The following ACOX2 variants were observed in gnomAD, a reference collection of about 807,000 sequenced individuals.
ACOX2 encodes the protein acyl-CoA oxidase 2.
In ACOX2, 59 loss-of-function variants were observed where a neutral mutation model predicts 77.5. That is an observed-to-expected ratio of 0.76 (90% CI 0.62 to 0.95). The LOEUF (loss-of-function observed/expected upper bound fraction) is 0.95. Ranked by LOEUF, ACOX2 falls within the 40% of genes least tolerant of loss-of-function variation. ACOX2 has a pLI of 0.00. For synonymous variants in ACOX2, 317 were observed against 340.1 expected, an observed-to-expected ratio of 0.93 and a Z score of 0.75; for missense variants, 837 against 880.4, an observed-to-expected ratio of 0.95 and a Z score of 0.62.
rs1008593157 is a variant in ACOX2, at chr3:58,528,882, G to C, written c.1067C>G (p.Ala356Gly). Residue 356 changes from alanine (A) to glycine (G), a missense_variant, in exon 9 of 15, where the codon GCC becomes GGC. Transcript: ENST00000302819. The surrounding 1 kb of genome is among the most constrained non-coding windows in gnomAD (Gnocchi z 5.6). ...GAGGCTGACTGCCAGGAAATGGAAGGCATAACTGATGGCCAGCTGAGGAAA... is the reference window on the plus strand; with the variant it reads ...GAGGCTGACTGCCAGGAAATGGAAGCCATAACTGATGGCCAGCTGAGGAAA... The part of the protein sequence containing the change: ...KLFPQLAISY[A>G]FHFLAVSLLE... 2.5e-6 allele frequency: 4 copies of C among 1,613,700 alleles called. No individual in the cohort carries two copies. The highest frequency in any genetic ancestry group is 3.4e-6 in the Non-Finnish European group (4 of 1,179,882).
In ACOX2 at chr3:58,535,892, CTT is replaced by C. The variant is rs2063478161; in HGVS notation, c.-91-697_-91-696del. ...GCAGTCCATCCTATTTCACAAGTCT[CTT>C]GAGTCCATCTGCTCCTTGCTATCTC... On this transcript the variant is annotated intron_variant, in intron 1 of 14. Coordinates refer to ENST00000302819, the MANE Select transcript of ACOX2 (RefSeq NM_003500.4). The surrounding 1 kb of genome is among the most constrained non-coding windows in gnomAD (Gnocchi z 4.8). 6.6e-6 allele frequency among the ~76,000 whole-genome samples: 1 copy of C among 152,188 alleles called. No individual in the cohort carries two copies. Among genetic ancestry groups the C allele is most frequent in the Non-Finnish European group, 1.5e-5 (1 of 68,036 alleles).
At chr3:58,509,666 C>A (rs2063263939) in intron 13 of ACOX2, among the ~76,000 whole-genome samples, 1 of 130,858 alleles carries the variant, frequency 7.6e-6, no homozygotes, top group African/African-American at 3.0e-5. Flanking sequence ...AGTGCAGTGG[C>A]ACAATCTCAG....
In ACOX2 at chr3:58,531,696, G is replaced by T; in HGVS notation, c.700C>A (p.Pro234Thr). 1 of 1,613,958 alleles carries T rather than the reference G, an allele frequency of 6.2e-7. No homozygotes were observed. The change falls in exon 6 of 15, where the codon CCA (proline) becomes ACA (threonine). Residue 234 changes from proline to threonine, a missense_variant. Transcript: ENST00000302819. The surrounding 1 kb of genome is among the most constrained non-coding windows in gnomAD (Gnocchi z 5.8). ...TGAGGGAGCATTATGGGCTTACCTG[G>T]CAGTGGGGTGTGGTCCTGAAGACTC... The part of the protein sequence containing the change: ...IRSLQDHTPL[P>T]GIIIGDIGPK...
In ACOX2 at chr3:58,528,779, G is replaced by T. The variant is rs200047598; in HGVS notation, c.1155+15C>A. 2.5e-6 allele frequency: 4 copies of T among 1,593,462 alleles called. No homozygotes were observed. Among genetic ancestry groups the T allele is most frequent in the Non-Finnish European group, 2.6e-6 (3 of 1,169,270 alleles). ...AGCGCCTGCCAGCGCCTGCCCCTCCGCAGACAGCAGGTACCTCAGGCAGGA... is the reference window on the plus strand; with the variant it reads ...AGCGCCTGCCAGCGCCTGCCCCTCCTCAGACAGCAGGTACCTCAGGCAGGA... On this transcript the variant is annotated intron_variant, in intron 9 of 14. Coordinates refer to ENST00000302819, the MANE Select transcript of ACOX2 (RefSeq NM_003500.4). The surrounding 1 kb of genome is among the most constrained non-coding windows in gnomAD (Gnocchi z 5.6).
At chr3:58,517,826 G>A (rs2107994939) in intron 12 of ACOX2, among the ~76,000 whole-genome samples, 1 of 152,180 alleles carries the variant, frequency 6.6e-6, no homozygotes, top group South Asian at 2.1e-4. Context: ...TGTAATCCCA[G>A]CACTTTGGGA....
rs2063296213 is a variant in ACOX2 at position 58,512,584 on chromosome 3, A to T, written c.1851-3559T>A. Among the ~76,000 whole-genome samples, 1 of 150,956 alleles carries T rather than the reference A, an allele frequency of 6.6e-6. No individual in the cohort carries two copies. ...TCCCACCCCCTACTGTACTCCCTTA[A>T]CTCTCTGCCCTCTGCCGTCATTTTC... On this transcript the variant is annotated intron_variant, in intron 13 of 14. Coordinates refer to ENST00000302819, the MANE Select transcript of ACOX2 (RefSeq NM_003500.4). This position sits in a 1 kb window ranked among gnomAD's most constrained non-coding sequence, Gnocchi z 4.8.
chr3:58,531,170 G>A lies in ACOX2; in HGVS notation c.819+81C>T. On this transcript the variant is annotated intron_variant, in intron 7 of 14. Coordinates refer to ENST00000302819, the MANE Select transcript of ACOX2 (RefSeq NM_003500.4). This position sits in a 1 kb window ranked among gnomAD's most constrained non-coding sequence, Gnocchi z 5.8. ...TTATGTGGCCCAAACTAAGCTCTAT[G>A]GAGGACCCAGGCCCAGCCTGCACAA... 1 of 1,299,658 alleles carries A rather than the reference G, an allele frequency of 7.7e-7. No homozygotes were observed. The highest frequency in any genetic ancestry group is 1.1e-6 in the Non-Finnish European group (1 of 924,100). The allele number at this position is 1,299,658 out of a possible 1,614,324, so 80.5% of individuals were successfully genotyped here.
Position 58,528,745 on chromosome 3 carries a change from T to G in ACOX2, c.1155+49A>C. 6.4e-7 allele frequency: 1 copy of G among 1,556,588 alleles called. No homozygotes were observed. Among genetic ancestry groups the G allele is most frequent in the Non-Finnish European group, 8.7e-7 (1 of 1,151,860 alleles). ...CTGCTCCCCAGTGAGTGGAACAATC[T>G]TAGCTCCCAGCGCCTGCCAGCGCCT... is the stretch of plus-strand genomic sequence containing the variant. On this transcript the variant is annotated intron_variant, in intron 9 of 14. Coordinates refer to ENST00000302819, the MANE Select transcript of ACOX2 (RefSeq NM_003500.4). This position sits in a 1 kb window ranked among gnomAD's most constrained non-coding sequence, Gnocchi z 5.6.
Position 58,533,017 on chromosome 3 carries a change from G to C in ACOX2, c.583+428C>G, listed in dbSNP as rs540791110. On this transcript the variant is annotated intron_variant, in intron 5 of 14. Transcript: ENST00000302819. This position sits in a 1 kb window ranked among gnomAD's most constrained non-coding sequence, Gnocchi z 5.6. ...GAGCCTTCCTGGGTGTCTGCAGCAG[G>C]GGCAGGCAGGCGTATTCTTTCCACT... Among the ~76,000 whole-genome samples the C allele has an allele frequency of 2.0e-5, 3 of 152,252 alleles. No individual in the cohort carries two copies. The highest frequency in any genetic ancestry group is 2.9e-5 in the Non-Finnish European group (2 of 68,008).
chr3:58,517,311 T>C lies in ACOX2; in HGVS notation c.1745A>G (p.His582Arg). ...GTCACCCGAGTTAGTCAAGATTCCA[T>C]GTATGGCATGGAGGTCACAGAGGCG... Reference protein sequence around the residue: ...LKRLCDLHAIHGILTNSGDFL... With the variant: ...LKRLCDLHAIRGILTNSGDFL... The change falls in exon 13 of 15, where the codon CAT becomes CGT. Residue 582 changes from histidine to arginine, a missense_variant. By Grantham distance (29) the His-to-Arg change is conservative. Coordinates refer to ENST00000302819, the MANE Select transcript of ACOX2 (RefSeq NM_003500.4). 3 of 1,614,098 alleles carry C rather than the reference T, an allele frequency of 1.9e-6. No homozygotes were observed. The highest frequency in any genetic ancestry group is 1.7e-5 in the Admixed American group (1 of 60,014).
rs1203715770 is a variant in ACOX2, at chr3:58,534,059, T to C, written c.410A>G (p.Lys137Arg). Residue 137 changes from lysine to arginine, a missense_variant, in exon 4 of 15, where the codon AAA (lysine) becomes AGA (arginine). Transcript: ENST00000302819. This position sits in a 1 kb window ranked among gnomAD's most constrained non-coding sequence, Gnocchi z 4.8. ...RSLGSEEQIA[K>R]WDPLCKNIQI... Reference sequence around the variant, plus strand: ...GATGTTTTTGCAGAGTGGGTCCCATTTGGCAATCTGCTCCTCTGAGCCCAG... The same window carrying C: ...GATGTTTTTGCAGAGTGGGTCCCATCTGGCAATCTGCTCCTCTGAGCCCAG... The C allele has an allele frequency of 1.2e-6, 2 of 1,614,060 alleles. No homozygotes were observed. Among genetic ancestry groups the C allele is most frequent in the African/African-American group, 2.7e-5 (2 of 74,920 alleles).
intron 8 of ACOX2, among the ~76,000 whole-genome samples, chr3:58,529,879 C>T (rs770637269): frequency 3.3e-5 from 5 of 152,216 alleles, no homozygotes; most frequent in Non-Finnish European, 7.3e-5. Context: ...ACAGAGGGTT[C>T]AGGCAGCCCT....
chr3:58,531,923 A>G lies in ACOX2; in HGVS notation c.584-111T>C. 1.4e-6 allele frequency: 2 copies of G among 1,408,168 alleles called. No homozygotes were observed. Among genetic ancestry groups the G allele is most frequent in the East Asian group, 5.1e-5 (2 of 39,424 alleles). The allele number at this position is 1,408,168 out of a possible 1,614,324, so 87.2% of individuals were successfully genotyped here. On this transcript the variant is annotated intron_variant, in intron 5 of 14. Coordinates refer to ENST00000302819, the MANE Select transcript of ACOX2 (RefSeq NM_003500.4). This position sits in a 1 kb window ranked among gnomAD's most constrained non-coding sequence, Gnocchi z 5.8. ...TTGGATGGGTACCTCTGGGGCCCTGAAAAGTCACTGATCAAAGAGAGAGGG... is the reference window on the plus strand; with the variant it reads ...TTGGATGGGTACCTCTGGGGCCCTGGAAAGTCACTGATCAAAGAGAGAGGG...
At position 58,530,454 on chromosome 3, in the gene ACOX2, G is replaced by A; in HGVS notation, c.992+12C>T. The A allele has an allele frequency of 1.2e-6, 2 of 1,612,514 alleles. No homozygotes were observed. Among genetic ancestry groups the A allele is most frequent in the Non-Finnish European group, 1.7e-6 (2 of 1,179,000 alleles). ...GCATATCTGCGGTAGTCAGTCACTGGGCACCCCTTGCCTGGGCCGGAGCCG... is the reference window on the plus strand; with the variant it reads ...GCATATCTGCGGTAGTCAGTCACTGAGCACCCCTTGCCTGGGCCGGAGCCG... On this transcript the variant is annotated intron_variant, in intron 8 of 14. Coordinates refer to ENST00000302819, the MANE Select transcript of ACOX2 (RefSeq NM_003500.4).
intron 8 of ACOX2, 198 bp from the exon 9 acceptor site, chr3:58,529,154 A>G (rs537823606): frequency 4.2e-5 from 21 of 499,882 alleles, no homozygotes; most frequent in African/African-American, 3.5e-4. Context: ...AGGAATACTG[A>G]CACATTTGTT....
intron 5 of ACOX2, among the ~76,000 whole-genome samples, chr3:58,532,914 C>A (rs1486274579): frequency 6.6e-6 from 1 of 152,146 alleles, no homozygotes; most frequent in Admixed American, 6.5e-5. Context: ...GCCTCAGGGA[C>A]GCTTGATGTG....
At chr3:58,530,713 G>A (rs2063432336) in intron 7 of ACOX2, 75 bp from the exon 8 acceptor site, 1 of 1,485,582 alleles carries the variant, frequency 6.7e-7, no homozygotes, top group Non-Finnish European at 9.2e-7. Flanking sequence ...AGAGCTGTGG[G>A]GCTCCACACA....
At position 58,522,635 on chromosome 3, in the gene ACOX2, G is replaced by A; in HGVS notation, c.1527-34C>T. 1 of 1,597,374 alleles carries A rather than the reference G, an allele frequency of 6.3e-7. No homozygotes were observed. The highest frequency in any genetic ancestry group is 1.1e-5 in the South Asian group (1 of 90,634). On this transcript the variant is annotated intron_variant, in intron 11 of 14. Transcript: ENST00000302819. This position sits in a 1 kb window ranked among gnomAD's most constrained non-coding sequence, Gnocchi z 4.3. ...CAAAGCAAAAAAGGTTCAGCTTCCT[G>A]ACTGAGTGGAAAAGACAACTGATGG...
At position 58,514,067 on chromosome 3, in the gene ACOX2, A is replaced by G. The variant is rs927181958; in HGVS notation, c.1850+3139T>C. Among the ~76,000 whole-genome samples, 42 of 152,172 alleles carry G rather than the reference A, an allele frequency of 2.8e-4. No individual in the cohort carries two copies. Among genetic ancestry groups the G allele is most frequent in the African/African-American group, 9.9e-4 (41 of 41,438 alleles). On this transcript the variant is annotated intron_variant, in intron 13 of 14. Transcript: ENST00000302819. This position sits in a 1 kb window ranked among gnomAD's most constrained non-coding sequence, Gnocchi z 4.3. ...GTGTTTTCTGAAGGGTAGCCTTATT[A>G]TCAACTATACCTGATGCTCCCTAGT...
Sources: gnomAD v4.1 joint callset for allele counts (sites outside exome capture counted in the v4.1 genomes callset) on GRCh38, gnomAD v4.1.1 for gene constraint, Gnocchi (gnomAD v3.1) non-coding constraint, MANE v1.5 for transcripts, NCBI Gene and HGNC (gene_info 2026-07-23, HGNC 2026-07-21) for gene names.